The following KLRG2 variants were observed in gnomAD, a reference collection of about 807,000 sequenced individuals.
The protein encoded by KLRG2 is killer cell lectin like receptor G2.
KLRG2 carries 39 observed loss-of-function variants against 35.4 expected under a neutral mutation model. That is an observed-to-expected ratio of 1.10 (90% CI 0.85 to 1.44). KLRG2 has a LOEUF of 1.44. Among genes scored for constraint, KLRG2 ranks in the 40% most tolerant of loss-of-function variants. The pLI is 0.00. For synonymous variants in KLRG2, 283 were observed against 265.8 expected (o/e 1.06, Z -0.63); for missense variants, 632 against 570.9 (o/e 1.11, Z -1.09).
chr7:139,473,926 C>A (rs1212249985), intron 3 of KLRG2, among the ~76,000 whole-genome samples: 2 of 151,634 alleles, frequency 1.3e-5, no homozygotes, highest in Non-Finnish European at 2.9e-5. Flanking sequence ...AATTTCGGAA[C>A]ACTGAGAACA....
intron 3 of KLRG2, among the ~76,000 whole-genome samples, chr7:139,466,924 T>C (rs1256757850): frequency 6.6e-6 from 1 of 152,058 alleles, no homozygotes; most frequent in African/African-American, 2.4e-5. Context: ...AGGCACTCTC[T>C]AATTGGATGT....
chr7:139,443,332 C>T, the KLRG2 span, among the ~76,000 whole-genome samples: 8 of 151,982 alleles, frequency 5.3e-5, no homozygotes, highest in African/African-American at 1.2e-4. Context: ...GTGATCCACC[C>T]GCCTTGGCCT....
the KLRG2 span, among the ~76,000 whole-genome samples, chr7:139,445,822 T>C: frequency 7.0e-6 from 1 of 143,054 alleles, no homozygotes; most frequent in African/African-American, 2.9e-5. Context: ...GGAGTTTTGC[T>C]CTTTAAGTTT....
intron 3 of KLRG2, among the ~76,000 whole-genome samples, chr7:139,472,426 AT>A (rs763472904): frequency 2.1e-4 from 32 of 152,228 alleles, no homozygotes; most frequent in Non-Finnish European, 4.3e-4. Flanking sequence ...TTTTTAAAAA[AT>A]AGAAAGAAAA....
the KLRG2 span, among the ~76,000 whole-genome samples, chr7:139,445,781 G>GTATGTATATATATATATATATATA: frequency 2.0e-5 from 2 of 98,508 alleles, no homozygotes; most frequent in African/African-American, 1.5e-4. Flanking sequence ...ATATATATAT[G>GTATGTATATATATATATATATATA]TATATATATA....
chr7:139,441,756 G>T, the KLRG2 span, among the ~76,000 whole-genome samples: 5 of 152,142 alleles, frequency 3.3e-5, no homozygotes, highest in African/African-American at 1.2e-4. Context: ...CCAGGCAACA[G>T]AGCAAAAATA....
downstream of KLRG2, among the ~76,000 whole-genome samples, chr7:139,450,167 C>T (rs188779571): frequency 1.3e-4 from 20 of 151,854 alleles, no homozygotes; most frequent in South Asian, 4.1e-4. Context: ...CTCAGCCTCC[C>T]GAGTAGCTGG....
At position 139,453,631 on chromosome 7, in the gene KLRG2, A is replaced by AGTTTGCAGCCACCAGCG; in HGVS notation, c.1169_1185dup (p.Cys396ArgfsTer43). 6.2e-7 allele frequency: 1 copy of AGTTTGCAGCCACCAGCG among 1,613,384 alleles called. No homozygotes were observed. Among genetic ancestry groups the AGTTTGCAGCCACCAGCG allele is most frequent in the Non-Finnish European group, 8.5e-7 (1 of 1,179,738 alleles). On this transcript the variant is annotated frameshift_variant, in exon 5 of 5. Coordinates refer to ENST00000340940, the MANE Select transcript of KLRG2 (RefSeq NM_198508.4). LOFTEE classifies it high-confidence loss of function. ...CAGACCCAGGGTCTTGGAGTGCTGCAGTTTGCAGCCACCAGCGTGCCTTCC... is the reference window on the plus strand; with the variant it reads ...CAGACCCAGGGTCTTGGAGTGCTGCAGTTTGCAGCCACCAGCGGTTTGCAGCCACCAGCGTGCCTTCC...
At chr7:139,439,675 A>G in the KLRG2 span, among the ~76,000 whole-genome samples, 1 of 152,020 alleles carries the variant, frequency 6.6e-6, no homozygotes. Context: ...TGCTCTGGAA[A>G]CGTAAAGCTT....
At chr7:139,453,885 C>A (rs1434102308) in intron 4 of KLRG2, among the ~76,000 whole-genome samples, 178 bp from the exon 5 acceptor site, 1 of 152,166 alleles carries the variant, frequency 6.6e-6, no homozygotes, top group African/African-American at 2.4e-5. Context: ...GGGCAGCTGA[C>A]CCCGCATCTG....
At chr7:139,468,541 C>G (rs909355845) in intron 3 of KLRG2, among the ~76,000 whole-genome samples, 1 of 152,182 alleles carries the variant, frequency 6.6e-6, no homozygotes, top group African/African-American at 2.4e-5. Flanking sequence ...CCACCCTTAT[C>G]TCCCTTCGCT....
downstream of KLRG2, among the ~76,000 whole-genome samples, chr7:139,448,322 C>T (rs1284604250): frequency 1.3e-5 from 2 of 152,114 alleles, no homozygotes; most frequent in African/African-American, 2.4e-5. Flanking sequence ...ATAAAACCTC[C>T]TCTTTGTTCT....
rs781056402 is a variant in KLRG2 at position 139,479,725 on chromosome 7, G to A, written c.907C>T (p.His303Tyr). 2 of 1,614,058 alleles carry A rather than the reference G, an allele frequency of 1.2e-6. No homozygotes were observed. Among genetic ancestry groups the A allele is most frequent in the South Asian group, 2.2e-5 (2 of 91,084 alleles). The change falls in exon 3 of 5, where the codon CAC (histidine) becomes TAC (tyrosine). Residue 303 changes from histidine (H) to tyrosine (Y), a missense_variant. By Grantham distance (83) the His-to-Tyr change is moderately conservative. Coordinates refer to ENST00000340940, the MANE Select transcript of KLRG2 (RefSeq NM_198508.4). ...CPPGWVLSEE[H>Y]CYYFSAEAQA... Reference sequence around the variant, plus strand: ...GCTTCTGCAGAGAAGTAGTAACAGTGCTCCTCGGACAACACCCAGCCTGGG... The same window carrying A: ...GCTTCTGCAGAGAAGTAGTAACAGTACTCCTCGGACAACACCCAGCCTGGG...
the KLRG2 span, among the ~76,000 whole-genome samples, chr7:139,441,612 T>A: frequency 2.9e-4 from 42 of 145,162 alleles, 2 homozygotes; most frequent in South Asian, 8.9e-3. Flanking sequence ...ACTTAAAGTA[T>A]AAAAAAAAAA....
downstream of KLRG2, among the ~76,000 whole-genome samples, chr7:139,451,372 T>G (rs955075327): frequency 1.3e-5 from 2 of 152,052 alleles, no homozygotes; most frequent in African/African-American, 4.8e-5. Context: ...TGGTGGTAGA[T>G]GCCTATAGTC....
chr7:139,472,717 G>A (rs548443845), intron 3 of KLRG2, among the ~76,000 whole-genome samples: 2 of 152,316 alleles, frequency 1.3e-5, no homozygotes, highest in Admixed American at 1.3e-4. Context: ...AGACAGCTGG[G>A]AGAAAGCCAA....
At chr7:139,461,291 A>AT (rs1796562981) in intron 3 of KLRG2, among the ~76,000 whole-genome samples, 2 of 152,240 alleles carry the variant, frequency 1.3e-5, no homozygotes, top group South Asian at 4.2e-4. Flanking sequence ...CACCTAAACC[A>AT]TAGCAGCAGT....
chr7:139,451,092 T>C (rs1796369901), downstream of KLRG2, among the ~76,000 whole-genome samples: 1 of 152,202 alleles, frequency 6.6e-6, no homozygotes, highest in African/African-American at 2.4e-5. Context: ...TTTTCAGCCA[T>C]TCCAGGGCTC....
At chr7:139,475,659 GTGTT>G (rs1796837871) in intron 3 of KLRG2, among the ~76,000 whole-genome samples, 1 of 152,172 alleles carries the variant, frequency 6.6e-6, no homozygotes, top group African/African-American at 2.4e-5. Flanking sequence ...CTTTGGCTGT[GTGTT>G]TGTATCATTT....
Sources: allele counts gnomAD v4.1 joint callset (sites outside exome capture counted in the v4.1 genomes callset), GRCh38; gene constraint gnomAD v4.1.1; transcripts MANE v1.5; gene names NCBI Gene and HGNC (gene_info 2026-07-23, HGNC 2026-07-21).